Variants in BEND2 observed in about 807,000 individuals in gnomAD.
BEND2 encodes the protein BEN domain-containing protein 2.
In BEND2, 19 loss-of-function variants were observed where a neutral mutation model predicts 43.8. The observed-to-expected ratio is 0.43, with a 90% CI of 0.30 to 0.64. The LOEUF is 0.64. BEND2 is among the 30% of genes least tolerant of loss of function. The pLI is 0.11. For synonymous variants in BEND2, 226 were observed against 210.1 expected (o/e 1.08, Z -0.66); for missense variants, 544 against 574.0 (o/e 0.95, Z 0.53).
At chrX:18,181,338 C>T (rs948485827) in intron 8 of BEND2, among the ~76,000 whole-genome samples, 14 of 111,045 alleles carry the variant, frequency 1.3e-4, no homozygotes, top group Non-Finnish European at 2.6e-4. Flanking sequence ...GAAATGAGAG[C>T]TCATGTTGAC....
At chrX:18,207,115 C>A (rs1925360133) in intron 4 of BEND2, among the ~76,000 whole-genome samples, 1 of 110,983 alleles carries the variant, frequency 9.0e-6, no homozygotes, top group Non-Finnish European at 1.9e-5. Flanking sequence ...CTGCTCCCTC[C>A]CTTCCCAGCT....
intron 13 of BEND2, 30 bp from the exon 14 acceptor site, chrX:18,165,253 T>C (rs1923793823): frequency 1.8e-6 from 2 of 1,095,758 alleles, no homozygotes; most frequent in Non-Finnish European, 1.3e-6. Context: ...ACATAACAGT[T>C]ACTTGCAAAT....
At chrX:18,170,939 C>T in intron 13 of BEND2, 62 bp downstream of exon 13, 1 of 1,205,689 alleles carries the variant, frequency 8.3e-7, no homozygotes, top group South Asian at 1.8e-5. Context: ...ATTCTTCTTT[C>T]TACCCTTCTC....
Position 18,203,842 on chromosome X carries a change from A to G in BEND2, c.566T>C (p.Leu189Pro). The change falls in exon 5 of 14, where the codon CTT (leucine) becomes CCT (proline). Residue 189 changes from leucine to proline, a missense_variant. This residue lies in a region of BEND2 where 501 missense variants were observed against 501.6 expected (regional missense o/e 1.00). Transcript: ENST00000380033. ...CAGTTCATGACATGCTGCTGACTCA[A>G]GAGATGTTACAGCAGGGCTGGCCCA... ...HAWASPAVTS[L>P]ESAACHELQE... The G allele has an allele frequency of 8.3e-7, 1 of 1,210,059 alleles. No homozygotes were observed. Among genetic ancestry groups the G allele is most frequent in the Non-Finnish European group, 1.1e-6 (1 of 893,789 alleles).
chrX:18,189,648 A>C (rs1225725041), intron 8 of BEND2, among the ~76,000 whole-genome samples: 8 of 112,386 alleles, frequency 7.1e-5, no homozygotes, highest in African/African-American at 2.6e-4. Context: ...AGTAACTCTC[A>C]AAATGTAAGC....
chrX:18,219,204 T>C (rs1317222178), intron 1 of BEND2, among the ~76,000 whole-genome samples: 4 of 112,177 alleles, frequency 3.6e-5, no homozygotes, highest in Admixed American at 9.4e-5. Context: ...AGCCCACGCC[T>C]CGCTTTAGAA....
intron 4 of BEND2, among the ~76,000 whole-genome samples, chrX:18,207,756 C>T (rs1210852675): frequency 8.9e-6 from 1 of 112,681 alleles, no homozygotes; most frequent in African/African-American, 3.2e-5. Context: ...CAGTGGCTCA[C>T]GCCTGTAAGC....
chrX:18,210,986 A>G (rs911888918), intron 4 of BEND2, among the ~76,000 whole-genome samples: 1 of 111,930 alleles, frequency 8.9e-6, no homozygotes, highest in Non-Finnish European at 1.9e-5. Flanking sequence ...ATTATAATAG[A>G]TATTAATAAT....
At chrX:18,183,006 C>T (rs762616175) in intron 8 of BEND2, among the ~76,000 whole-genome samples, 8 of 91,308 alleles carry the variant, frequency 8.8e-5, no homozygotes, top group African/African-American at 3.0e-4. Context: ...CATGCCATTG[C>T]ACTCCAGCCT....
chrX:18,191,527 C>T (rs1265287201), intron 7 of BEND2, among the ~76,000 whole-genome samples: 1 of 112,074 alleles, frequency 8.9e-6, no homozygotes, highest in East Asian at 2.8e-4. Context: ...GGCAGTATCT[C>T]AGAGAAATGA....
chrX:18,177,801 T>C, intron 9 of BEND2, 32 bp from the exon 10 acceptor site: 2 of 1,145,529 alleles, frequency 1.7e-6, no homozygotes, highest in Non-Finnish European at 2.4e-6. Context: ...GGAACATCCT[T>C]GGTTTTGTCA....
At chrX:18,180,480 C>T in intron 9 of BEND2, 30 bp downstream of exon 9, 1 of 1,202,879 alleles carries the variant, frequency 8.3e-7, no homozygotes, top group Non-Finnish European at 1.1e-6. Flanking sequence ...CAAATAGTGC[C>T]ACTTATAATG....
chrX:18,220,590 C>A (rs926805040), intron 1 of BEND2, 136 bp downstream of exon 1: 2 of 925,932 alleles, frequency 2.2e-6, no homozygotes. Context: ...TACCCAGAGG[C>A]CGCCCCCCGA....
In BEND2 at chrX:18,163,042, T is replaced by C. The variant is rs1288283978; in HGVS notation, c.*1967A>G. ...GAGCAGGCATTTAAAATGTTTAACA[T>C]TGGACTAATACAGTAATAGTATTAA... On this transcript the variant is annotated 3_prime_UTR_variant, in exon 14 of 14. Coordinates refer to ENST00000380033, the MANE Select transcript of BEND2 (RefSeq NM_153346.5). 2 of 112,408 alleles carry C rather than the reference T, an allele frequency of 1.8e-5. No individual in the cohort carries two copies. Among genetic ancestry groups the C allele is most frequent in the Non-Finnish European group, 3.8e-5 (2 of 53,265 alleles). The allele number at this position is 112,408 out of a possible 1,213,427, so 9.3% of individuals were successfully genotyped here. A position where few individuals can be genotyped will look rare whatever the true frequency, so the allele number is the denominator to read the frequency against.
chrX:18,218,043 C>A (rs1039988947), intron 1 of BEND2, among the ~76,000 whole-genome samples: 3 of 109,483 alleles, frequency 2.7e-5, no homozygotes, highest in African/African-American at 1.0e-4. Context: ...GCTGAGGTTG[C>A]AGTGAGCCAG....
intron 13 of BEND2, among the ~76,000 whole-genome samples, chrX:18,169,288 G>A (rs1383245259): frequency 9.0e-6 from 1 of 111,722 alleles, no homozygotes; most frequent in Non-Finnish European, 1.9e-5. Context: ...TTACTTCTGG[G>A]GAGCAGGAGA....
At chrX:18,207,375 C>G (rs751695922) in intron 4 of BEND2, among the ~76,000 whole-genome samples, 127 of 111,199 alleles carry the variant, frequency 1.1e-3, no homozygotes, top group African/African-American at 4.1e-3. Context: ...TACAACACCC[C>G]CTCAAAACCA....
At chrX:18,185,533 AAATAATAATAAT>A (rs141832867) in intron 8 of BEND2, among the ~76,000 whole-genome samples, 983 of 88,092 alleles carry the variant, frequency 0.011, 5 homozygotes, top group African/African-American at 0.017. Flanking sequence ...TCAGTCGCAA[AAATAATAATAAT>A]AATAATAATA....
chrX:18,201,396 C>CAAAAAAAAAAAAAAAAAAAA (rs1227049211), intron 6 of BEND2, among the ~76,000 whole-genome samples: 6 of 20,626 alleles, frequency 2.9e-4, no homozygotes, highest in Non-Finnish European at 3.3e-4. Flanking sequence ...AACTCCATCT[C>CAAAAAAAAAAAAAAAAAAAA]AAAAAAAAAA....
Sources: gnomAD v4.1 joint callset for allele counts (sites outside exome capture counted in the v4.1 genomes callset) on GRCh38, gnomAD v4.1.1 for gene constraint, gnomAD v4.1.1 regional missense constraint, MANE v1.5 for transcripts, NCBI Gene and HGNC (gene_info 2026-07-23, HGNC 2026-07-21) for gene names.